ARHGAP15: variants seen among roughly 807,000 people sequenced by gnomAD.
ARHGAP15 encodes the protein rho GTPase-activating protein 15.
A neutral mutation model predicts 63.7 loss-of-function variants in ARHGAP15; 51 were observed. The ratio of observed to expected loss-of-function variants is 0.80; its 90% CI spans 0.64 to 1.01. The LOEUF (loss-of-function observed/expected upper bound fraction) is 1.01, where lower values mean the gene tolerates loss of function less well. Among genes scored for constraint, ARHGAP15 ranks in the 50% least tolerant of loss-of-function variants. The pLI is 0.00. For missense variants in ARHGAP15, 560 were observed against 564.6 expected, an observed-to-expected ratio of 0.99 and a Z score of 0.08; for synonymous variants, 191 against 193.8, an observed-to-expected ratio of 0.99 and a Z score of 0.12.
intron 11 of ARHGAP15, among the ~76,000 whole-genome samples, chr2:143,580,390 C>T (rs1206325924): frequency 1.3e-5 from 2 of 152,102 alleles, no homozygotes; most frequent in Admixed American, 1.3e-4. Flanking sequence ...ATTTCCAGCC[C>T]ACGCCCAACA....
chr2:143,608,416 C>G (rs1014083191), intron 11 of ARHGAP15: 5 of 152,102 alleles, frequency 3.3e-5, no homozygotes, highest in African/African-American at 1.2e-4. Flanking sequence ...GTAAGCAGAA[C>G]CAGTTTGTGA....
chr2:143,316,907 T>A (rs2105208649), intron 6 of ARHGAP15, among the ~76,000 whole-genome samples: 1 of 152,280 alleles, frequency 6.6e-6, no homozygotes, highest in East Asian at 1.9e-4. Flanking sequence ...TTCAAAAGAC[T>A]TTAGGCTTAT....
chr2:143,600,327 T>G (rs555273383), intron 11 of ARHGAP15, among the ~76,000 whole-genome samples: 39 of 152,164 alleles, frequency 2.6e-4, no homozygotes, highest in Non-Finnish European at 4.9e-4. Flanking sequence ...TCCTATTATC[T>G]TTTAGTCACA....
At chr2:143,304,416 G>A (rs1683071996) in intron 6 of ARHGAP15, among the ~76,000 whole-genome samples, 2 of 150,828 alleles carry the variant, frequency 1.3e-5, no homozygotes, top group Non-Finnish European at 2.9e-5. Flanking sequence ...AGAACACAGG[G>A]ACACAGGAAG....
chr2:143,154,163 A>T (rs1275695347), intron 1 of ARHGAP15, among the ~76,000 whole-genome samples: 1 of 151,662 alleles, frequency 6.6e-6, no homozygotes, highest in Non-Finnish European at 1.5e-5. Flanking sequence ...TTTTTCTTAT[A>T]AAAATATGGG....
chr2:143,281,537 A>G (rs997203654), intron 6 of ARHGAP15, among the ~76,000 whole-genome samples: 5 of 152,316 alleles, frequency 3.3e-5, no homozygotes, highest in Admixed American at 1.3e-4. Flanking sequence ...AGCTAAATAC[A>G]AGAGATACTT....
At chr2:143,188,832 G>A (rs1691553933) in intron 2 of ARHGAP15, among the ~76,000 whole-genome samples, 1 of 151,694 alleles carries the variant, frequency 6.6e-6, no homozygotes, top group Admixed American at 6.6e-5. Context: ...CATCATATTG[G>A]CCAGACTGGT....
At chr2:143,324,075 G>C (rs1684148471) in intron 6 of ARHGAP15, among the ~76,000 whole-genome samples, 1 of 151,956 alleles carries the variant, frequency 6.6e-6, no homozygotes, top group Non-Finnish European at 1.5e-5. Flanking sequence ...TCATGGATCT[G>C]GGCTTCAAAT....
Position 143,129,787 on chromosome 2 carries a change from A to T in ARHGAP15, c.-15+321A>T, listed in dbSNP as rs73962339. On this transcript the variant is annotated intron_variant, in intron 1 of 13. Coordinates refer to ENST00000295095, the MANE Select transcript of ARHGAP15 (RefSeq NM_018460.4). ...AAATAACTACTAGAAATAATGTGAG[A>T]CTTTGCACCTTTAACCAACTGTTTT... Among the ~76,000 whole-genome samples the T allele has an allele frequency of 3.8e-3, 584 of 152,290 alleles. 2 individuals carry two copies. The highest frequency in any genetic ancestry group is 0.013 in the African/African-American group (532 of 41,572).
intron 2 of ARHGAP15, among the ~76,000 whole-genome samples, chr2:143,156,152 T>C (rs979338662): frequency 6.6e-6 from 1 of 151,920 alleles, no homozygotes; most frequent in Non-Finnish European, 1.5e-5. Flanking sequence ...TGAAATGCTG[T>C]GGCTATTTAA....
intron 13 of ARHGAP15, among the ~76,000 whole-genome samples, chr2:143,742,173 C>T (rs892862663): frequency 6.6e-6 from 1 of 152,194 alleles, no homozygotes; most frequent in Non-Finnish European, 1.5e-5. Flanking sequence ...AAAAGGAAAT[C>T]ACACTAATTA....
intron 13 of ARHGAP15, among the ~76,000 whole-genome samples, chr2:143,731,642 T>C (rs1685542361): frequency 1.3e-5 from 2 of 152,234 alleles, no homozygotes; most frequent in Non-Finnish European, 2.9e-5. Context: ...GACTTTTCCA[T>C]ACTTTGAATT....
chr2:143,707,980 C>T (rs966495762), intron 13 of ARHGAP15, among the ~76,000 whole-genome samples: 7 of 152,140 alleles, frequency 4.6e-5, no homozygotes, highest in Non-Finnish European at 8.8e-5. Flanking sequence ...GTGAGAGTTT[C>T]GTTCCTGTGT....
At chr2:143,512,979 TAGA>T (rs1275116719) in intron 9 of ARHGAP15, among the ~76,000 whole-genome samples, 1 of 152,242 alleles carries the variant, frequency 6.6e-6, no homozygotes, top group African/African-American at 2.4e-5. Context: ...CTAAATTTTG[TAGA>T]AGAAGCGTTG....
At chr2:143,587,630 C>G (rs1446954119) in intron 11 of ARHGAP15, 1 of 423,876 alleles carries the variant, frequency 2.4e-6, no homozygotes, top group African/African-American at 2.1e-5. Flanking sequence ...TTGGCTTTTC[C>G]CTTCCCATAA....
At chr2:143,661,812 C>T (rs548381737) in intron 12 of ARHGAP15, among the ~76,000 whole-genome samples, 17 of 152,242 alleles carry the variant, frequency 1.1e-4, no homozygotes, top group African/African-American at 4.1e-4. Context: ...GGGTGACGGA[C>T]GCACCTGGAA....
At chr2:143,233,176 T>G (rs546724080) in intron 5 of ARHGAP15, among the ~76,000 whole-genome samples, 7 of 152,280 alleles carry the variant, frequency 4.6e-5, no homozygotes, top group Non-Finnish European at 1.0e-4. Flanking sequence ...TGCCTAATAT[T>G]TGCCACATTC....
At chr2:143,412,542 T>A (rs1218644026) in intron 6 of ARHGAP15, among the ~76,000 whole-genome samples, 2 of 152,218 alleles carry the variant, frequency 1.3e-5, no homozygotes, top group Non-Finnish European at 2.9e-5. Context: ...TAGTATTAAC[T>A]GGTAATTTAT....
At chr2:143,258,531 A>G (rs1680539885) in intron 6 of ARHGAP15, among the ~76,000 whole-genome samples, 1 of 152,186 alleles carries the variant, frequency 6.6e-6, no homozygotes, top group Non-Finnish European at 1.5e-5. Context: ...CTAAACATTT[A>G]GCAGAAAAAA....
Sources: allele counts gnomAD v4.1 joint callset (sites outside exome capture counted in the v4.1 genomes callset), GRCh38; gene constraint gnomAD v4.1.1; transcripts MANE v1.5; gene names NCBI Gene and HGNC (gene_info 2026-07-23, HGNC 2026-07-21).